The following CSMD1 variants were observed in gnomAD, a reference collection of about 807,000 sequenced individuals.
The protein encoded by CSMD1 is CUB and Sushi multiple domains 1.
Under a neutral mutation model 417.5 loss-of-function variants are expected in CSMD1, and 213 were observed. That is an observed-to-expected ratio of 0.51 (90% CI 0.46 to 0.57). The LOEUF (loss-of-function observed/expected upper bound fraction) is 0.57, where lower values mean the gene tolerates loss of function less well. Ranked by LOEUF, CSMD1 falls within the 20% of genes least tolerant of loss-of-function variation. CSMD1 has a pLI of 0.00. For synonymous variants in CSMD1, 2,862 were observed against 1,736.8 expected (o/e 1.65, Z -16.11); for missense variants, 6,923 against 4,529.7 (o/e 1.53, Z -15.17).
intron 5 of CSMD1, chr8:3,949,899 A>G (rs933405517): frequency 8.8e-6 from 4 of 455,770 alleles, no homozygotes; most frequent in Admixed American, 2.4e-5. Flanking sequence ...TTGTGCCTCC[A>G]TGGGAAGCTC....
intron 1 of CSMD1, among the ~76,000 whole-genome samples, chr8:4,922,289 G>C (rs186949662): frequency 6.6e-6 from 1 of 152,224 alleles, no homozygotes; most frequent in Non-Finnish European, 1.5e-5. Flanking sequence ...GGTATAAATA[G>C]GCATCATTGA....
chr8:3,794,746 C>T (rs1268510687), intron 5 of CSMD1, among the ~76,000 whole-genome samples: 1 of 151,994 alleles, frequency 6.6e-6, no homozygotes, highest in East Asian at 1.9e-4. Flanking sequence ...TTGCAACTTC[C>T]AGGTCAAGAC....
At chr8:4,039,938 G>A (rs1051013657) in intron 3 of CSMD1, among the ~76,000 whole-genome samples, 1 of 152,072 alleles carries the variant, frequency 6.6e-6, no homozygotes, top group East Asian at 1.9e-4. Context: ...CTTACTCTTG[G>A]GTTTATTATA....
At chr8:3,655,392 T>G (rs984796745) in intron 7 of CSMD1, among the ~76,000 whole-genome samples, 1 of 152,368 alleles carries the variant, frequency 6.6e-6, no homozygotes, top group African/African-American at 2.4e-5. Context: ...ACTATTACTC[T>G]AGTCACAGTA....
At chr8:4,614,074 T>G (rs913508573) in intron 2 of CSMD1, among the ~76,000 whole-genome samples, 1 of 152,130 alleles carries the variant, frequency 6.6e-6, no homozygotes, top group Non-Finnish European at 1.5e-5. Flanking sequence ...AGCCAAGATT[T>G]GACAGTTTAC....
At chr8:4,350,060 T>A (rs562543604) in intron 3 of CSMD1, among the ~76,000 whole-genome samples, 86 of 152,302 alleles carry the variant, frequency 5.6e-4, no homozygotes, top group African/African-American at 1.9e-3. Flanking sequence ...TTATTTCAAA[T>A]AAGAATCTCT....
At chr8:4,809,581 C>T (rs1466873740) in intron 1 of CSMD1, among the ~76,000 whole-genome samples, 1 of 152,184 alleles carries the variant, frequency 6.6e-6, no homozygotes, top group Non-Finnish European at 1.5e-5. Flanking sequence ...CTACTCCCTA[C>T]AGCTAGACCA....
intron 1 of CSMD1, among the ~76,000 whole-genome samples, chr8:4,662,848 G>A (rs1020805475): frequency 3.3e-5 from 5 of 152,156 alleles, no homozygotes; most frequent in African/African-American, 7.2e-5. Flanking sequence ...CAGGACACTT[G>A]TCATGGTGTG....
intron 30 of CSMD1, among the ~76,000 whole-genome samples, chr8:3,211,370 G>A (rs1797595971): frequency 6.6e-6 from 1 of 152,154 alleles, no homozygotes; most frequent in Non-Finnish European, 1.5e-5. Context: ...GTAAATGTCT[G>A]TGTTCATGTA....
intron 10 of CSMD1, among the ~76,000 whole-genome samples, chr8:3,556,796 A>G (rs557876576): frequency 4.6e-5 from 7 of 152,264 alleles, no homozygotes; most frequent in African/African-American, 7.2e-5. Flanking sequence ...AGACTGCCAA[A>G]AGAGGCGACC....
rs553877415 is a variant in CSMD1 at position 3,282,631 on chromosome 8, T to C, written c.4153+1513A>G. 5.3e-5 allele frequency among the ~76,000 whole-genome samples: 8 copies of C among 152,250 alleles called. No individual in the cohort carries two copies. The East Asian group carries it at 1.4e-3, about 26-fold the overall frequency. Reference sequence around the variant, plus strand: ...TAGTTGGAACACTCTTACTTTCATATTTTTTGTGAAGGACCAGTGAAAATT... The same window carrying C: ...TAGTTGGAACACTCTTACTTTCATACTTTTTGTGAAGGACCAGTGAAAATT... On this transcript the variant is annotated intron_variant, in intron 26 of 69. Transcript: ENST00000635120.
In CSMD1 at chr8:3,522,803, T is replaced by C. The variant is rs143168979; in HGVS notation, c.1345-29077A>G. On this transcript the variant is annotated intron_variant, in intron 10 of 69. Coordinates refer to ENST00000635120, the MANE Select transcript of CSMD1 (RefSeq NM_033225.6). ...ACCCAACACATTTTTCATGGTTACATATTAAATTACGTATTTTATTTGACA... is the reference window on the plus strand; with the variant it reads ...ACCCAACACATTTTTCATGGTTACACATTAAATTACGTATTTTATTTGACA... 7.1e-3 allele frequency among the ~76,000 whole-genome samples: 1,073 copies of C among 151,910 alleles called. 24 individuals carry two copies. Among genetic ancestry groups the C allele is most frequent in the South Asian group, 0.07 (337 of 4,810 alleles).
chr8:3,433,225 T>A (rs765687185), intron 12 of CSMD1, among the ~76,000 whole-genome samples: 3 of 152,214 alleles, frequency 2.0e-5, no homozygotes, highest in East Asian at 1.9e-4. Flanking sequence ...GTTGTTGACA[T>A]AGAGATGTAG....
At position 3,029,430 on chromosome 8, in the gene CSMD1, C is replaced by T. The variant is rs1810186023; in HGVS notation, c.7744G>A (p.Ala2582Thr). 6.2e-7 allele frequency: 1 copy of T among 1,610,726 alleles called. No homozygotes were observed. Among genetic ancestry groups the T allele is most frequent in the Non-Finnish European group, 8.5e-7 (1 of 1,178,842 alleles). Residue 2582 changes from alanine (A) to threonine (T), a missense_variant, in exon 51 of 70, where the codon GCT becomes ACT. Transcript: ENST00000635120. The part of the protein sequence containing the change: ...LVSGSLNEYG[A>T]QVLLSCSPGY... ...GGACTGCAGCTCAGCAATACTTGAG[C>T]ACCGTACTCATTCAAGGATCCTGAA...
At chr8:4,159,498 G>T (rs1227381751) in intron 3 of CSMD1, among the ~76,000 whole-genome samples, 1 of 152,160 alleles carries the variant, frequency 6.6e-6, no homozygotes, top group Non-Finnish European at 1.5e-5. Context: ...AGTGGATAAA[G>T]AAACTGTGGT....
chr8:4,068,093 A>AT (rs1563079934), intron 3 of CSMD1, among the ~76,000 whole-genome samples: 1 of 152,052 alleles, frequency 6.6e-6, no homozygotes, highest in Non-Finnish European at 1.5e-5. Flanking sequence ...AAAGAAAAAA[A>AT]GAAAAAAAGG....
At chr8:3,796,989 A>G (rs1350303840) in intron 5 of CSMD1, among the ~76,000 whole-genome samples, 3 of 151,808 alleles carry the variant, frequency 2.0e-5, no homozygotes, top group Admixed American at 2.0e-4. Flanking sequence ...CTAAAAAGTT[A>G]ATGTAATATT....
chr8:4,055,118 G>C (rs1016328358), intron 3 of CSMD1, among the ~76,000 whole-genome samples: 3 of 152,258 alleles, frequency 2.0e-5, no homozygotes, highest in African/African-American at 7.2e-5. Context: ...GCTTTGTGTA[G>C]TAGATGATAG....
intron 3 of CSMD1, among the ~76,000 whole-genome samples, chr8:4,079,704 C>T (rs1585268522): frequency 6.6e-6 from 1 of 152,188 alleles, no homozygotes; most frequent in South Asian, 2.1e-4. Flanking sequence ...AACTTGCTTT[C>T]TTTCCATAGT....
Sources: allele counts gnomAD v4.1 joint callset (sites outside exome capture counted in the v4.1 genomes callset), GRCh38; gene constraint gnomAD v4.1.1; transcripts MANE v1.5; gene names NCBI Gene and HGNC (gene_info 2026-07-23, HGNC 2026-07-21).